Variants in CDK5RAP2 observed in about 807,000 individuals in gnomAD.
The protein encoded by CDK5RAP2 is CDK5 regulatory subunit-associated protein 2.
In CDK5RAP2, 147 loss-of-function variants were observed where a neutral mutation model predicts 232.9. That is an observed-to-expected ratio of 0.63 (90% CI 0.55 to 0.72). The LOEUF is 0.72. CDK5RAP2 is among the 30% of genes least tolerant of loss of function. CDK5RAP2 has a pLI of 0.00. For missense variants in CDK5RAP2, 2,195 were observed against 2,231.5 expected (o/e 0.98, Z 0.33); for synonymous variants, 833 against 833.7 (o/e 1.00, Z 0.01).
At chr9:120,578,797 G>C (rs2043136041) in intron 1 of CDK5RAP2, among the ~76,000 whole-genome samples, 1 of 152,062 alleles carries the variant, frequency 6.6e-6, no homozygotes, top group Admixed American at 6.6e-5. Flanking sequence ...ACACTCCTGA[G>C]CTCAAGAAAT....
chr9:120,535,110 C>A (rs369111848), intron 7 of CDK5RAP2, among the ~76,000 whole-genome samples: 2 of 152,276 alleles, frequency 1.3e-5, no homozygotes, highest in African/African-American at 4.8e-5. Flanking sequence ...CATGGGGAAC[C>A]CAGTTTCCTC....
intron 12 of CDK5RAP2, among the ~76,000 whole-genome samples, chr9:120,503,000 A>G (rs2039644098): frequency 6.6e-6 from 1 of 152,220 alleles, no homozygotes; most frequent in Admixed American, 6.5e-5. Context: ...AAGAGAACTA[A>G]GGCCCACAGA....
Position 120,407,211 on chromosome 9 carries a change from G to GA in CDK5RAP2, c.4763dup (p.Arg1589GlnfsTer58). The stretch of plus-strand genomic sequence containing the variant: ...CCATCAGGAGGCTGTGCAGGTCCCT[G>GA]AAAGGATCCTGCCCCTTCCAGCCTT... On this transcript the variant is annotated frameshift_variant, in exon 32 of 38. Transcript: ENST00000349780. LOFTEE classifies it high-confidence loss of function. 1 of 1,613,518 alleles carries GA rather than the reference G, an allele frequency of 6.2e-7. No individual in the cohort carries two copies. The highest frequency in any genetic ancestry group is 8.5e-7 in the Non-Finnish European group (1 of 1,179,980).
intron 25 of CDK5RAP2, among the ~76,000 whole-genome samples, chr9:120,423,257 T>C (rs2034680278): frequency 1.3e-5 from 2 of 152,238 alleles, no homozygotes; most frequent in African/African-American, 4.8e-5. Context: ...TGCGCTAATA[T>C]TCCACTGTAG....
chr9:120,507,926 A>ATAT, intron 12 of CDK5RAP2, among the ~76,000 whole-genome samples: 1 of 68,432 alleles, frequency 1.5e-5, no homozygotes, highest in African/African-American at 4.7e-5. Context: ...AAAAAAAAAA[A>ATAT]AAAAAAAAAA....
intron 3 of CDK5RAP2, among the ~76,000 whole-genome samples, chr9:120,556,387 T>G (rs1473730217): frequency 6.6e-6 from 1 of 152,044 alleles, no homozygotes. Context: ...TTCAGCGTTT[T>G]AAAAAATAAT....
At chr9:120,393,963 C>T (rs1373142464) in intron 36 of CDK5RAP2, among the ~76,000 whole-genome samples, 1 of 152,186 alleles carries the variant, frequency 6.6e-6, no homozygotes, top group African/African-American at 2.4e-5. Context: ...CTGAGCCTGC[C>T]ACCTACAGTC....
intron 25 of CDK5RAP2, among the ~76,000 whole-genome samples, chr9:120,436,221 A>G (rs1213123495): frequency 6.6e-6 from 1 of 152,228 alleles, no homozygotes; most frequent in African/African-American, 2.4e-5. Context: ...AAAACTGCAT[A>G]GCCAATCTAA....
intron 14 of CDK5RAP2, among the ~76,000 whole-genome samples, chr9:120,479,543 G>T (rs1427639325): frequency 6.6e-6 from 1 of 152,198 alleles, no homozygotes; most frequent in Non-Finnish European, 1.5e-5. Context: ...CATCAGACAG[G>T]ACACAATGAG....
chr9:120,419,181 A>G (rs2034417832), intron 27 of CDK5RAP2, among the ~76,000 whole-genome samples: 1 of 152,196 alleles, frequency 6.6e-6, no homozygotes, highest in African/African-American at 2.4e-5. Flanking sequence ...GGCCCTCACC[A>G]TGCTGGCTCT....
chr9:120,429,463 T>G (rs1483631267), intron 25 of CDK5RAP2, among the ~76,000 whole-genome samples: 1 of 152,152 alleles, frequency 6.6e-6, no homozygotes, highest in East Asian at 1.9e-4. Context: ...TATACACCAA[T>G]AACAGACAAA....
At chr9:120,519,443 A>G (rs1043648160) in intron 11 of CDK5RAP2, among the ~76,000 whole-genome samples, 1 of 152,066 alleles carries the variant, frequency 6.6e-6, no homozygotes, top group Non-Finnish European at 1.5e-5. Flanking sequence ...TAAAAATAAA[A>G]CCAAAACAAA....
chr9:120,550,119 C>G (rs2041994845), intron 4 of CDK5RAP2, among the ~76,000 whole-genome samples: 1 of 152,182 alleles, frequency 6.6e-6, no homozygotes. Flanking sequence ...TTCAAGAAAG[C>G]CAAGTTCTTT....
chr9:120,416,858 T>C (rs1256601366), intron 27 of CDK5RAP2, among the ~76,000 whole-genome samples: 1 of 152,238 alleles, frequency 6.6e-6, no homozygotes, highest in Non-Finnish European at 1.5e-5. Flanking sequence ...AAAATGACTT[T>C]CATTTAAAAG....
intron 3 of CDK5RAP2, among the ~76,000 whole-genome samples, chr9:120,567,890 G>A (rs1203509052): frequency 6.6e-6 from 1 of 152,156 alleles, no homozygotes. Flanking sequence ...TTCCTAACCT[G>A]CAAAATGGGA....
At chr9:120,549,932 G>C (rs2041989304) in intron 4 of CDK5RAP2, among the ~76,000 whole-genome samples, 1 of 152,212 alleles carries the variant, frequency 6.6e-6, no homozygotes, top group Non-Finnish European at 1.5e-5. Flanking sequence ...CCCTCTTCAA[G>C]ACAAGTCAAT....
At chr9:120,392,381 A>C (rs778842004) in intron 36 of CDK5RAP2, among the ~76,000 whole-genome samples, 1 of 152,160 alleles carries the variant, frequency 6.6e-6, no homozygotes, top group Non-Finnish European at 1.5e-5. Context: ...AACTGTGCTC[A>C]ATCAATAATT....
At chr9:120,480,999 G>T (rs2038274914) in intron 14 of CDK5RAP2, among the ~76,000 whole-genome samples, 1 of 152,232 alleles carries the variant, frequency 6.6e-6, no homozygotes, top group Non-Finnish European at 1.5e-5. Context: ...GCAGCCAGAG[G>T]ACCTCAGAGA....
rs535293479 is a variant in CDK5RAP2 at position 120,516,313 on chromosome 9, T to C, written c.1311+2114A>G. The stretch of plus-strand genomic sequence containing the variant: ...TTCTCACTGATAGGTGGGAATTGAA[T>C]AGCGAGAACACATGGACACAGGAAG... On this transcript the variant is annotated intron_variant, in intron 12 of 37. Coordinates refer to ENST00000349780, the MANE Select transcript of CDK5RAP2 (RefSeq NM_018249.6). Among the ~76,000 whole-genome samples the C allele has an allele frequency of 3.2e-4, 41 of 129,892 alleles. 1 individual carries two copies. The highest frequency in any genetic ancestry group is 8.9e-4 in the African/African-American group (30 of 33,552). 85.2% of individuals were successfully genotyped at this position (129,892 alleles called of 152,430 possible).
Sources: allele counts gnomAD v4.1 joint callset (sites outside exome capture counted in the v4.1 genomes callset), GRCh38; gene constraint gnomAD v4.1.1; transcripts MANE v1.5; gene names NCBI Gene and HGNC (gene_info 2026-07-23, HGNC 2026-07-21).